Variants in RP1 observed in about 807,000 individuals in gnomAD.
RP1 encodes the protein RP1 axonemal microtubule associated.
A neutral mutation model predicts 14.8 loss-of-function variants in RP1; 16 were observed. The ratio of observed to expected loss-of-function variants is 1.08; its 90% confidence interval spans 0.73 to 1.65. The LOEUF (loss-of-function observed/expected upper bound fraction) is 1.65, where lower values mean the gene tolerates loss of function less well. Among genes scored for constraint, RP1 ranks in the 40% most tolerant of loss-of-function variants. RP1 has a pLI of 0.00. For synonymous variants in RP1, 876 were observed against 883.6 expected (o/e 0.99, Z 0.15); for missense variants, 2,631 against 2,535.0 (o/e 1.04, Z -0.81).
intron 5 of RP1, chr8:54,652,969 C>T (rs1341188427): frequency 7.0e-6 from 5 of 718,722 alleles, no homozygotes; most frequent in Non-Finnish European, 1.2e-5. Context: ...AGTCCTGTAC[C>T]TTTTTAGCCA....
At position 54,629,961 on chromosome 8, in the gene RP1, G is replaced by T; in HGVS notation, c.6079G>T (p.Asp2027Tyr). The stretch of plus-strand genomic sequence containing the variant: ...AGGTAATTTAAAGAAATTTCAACCA[G>T]ATTTGAAGGAAAGGTTTTGTATGAA... ...EEGNLKKFQP[D>Y]LKERFCMNFL... The change falls in exon 4 of 4, where the codon GAT becomes TAT. Residue 2027 changes from aspartate to tyrosine, a missense_variant. Asp to Tyr is a radical substitution (Grantham distance 160). Transcript: ENST00000220676. 1.9e-6 allele frequency: 3 copies of T among 1,613,996 alleles called. No homozygotes were observed. The highest frequency in any genetic ancestry group is 2.2e-5 in the East Asian group (1 of 44,836).
chr8:54,724,624 G>T (rs1347024879), intron 16 of RP1, among the ~76,000 whole-genome samples: 1 of 151,964 alleles, frequency 6.6e-6, no homozygotes, highest in African/African-American at 2.4e-5. Flanking sequence ...ACTAAGGGTT[G>T]CTACAATTCA....
chr8:54,835,249 T>C (rs1444125706), intron 24 of RP1, among the ~76,000 whole-genome samples: 1 of 152,150 alleles, frequency 6.6e-6, no homozygotes, highest in East Asian at 1.9e-4. Context: ...CAGAACTAAG[T>C]TCCAAACTAA....
At chr8:54,780,857 T>A in intron 23 of RP1, 3 of 918,694 alleles carry the variant, frequency 3.3e-6, no homozygotes, top group Non-Finnish European at 3.9e-6. Context: ...TTCGGAATTC[T>A]CTAGGTCAGT....
intron 25 of RP1, among the ~76,000 whole-genome samples, chr8:54,843,711 C>T (rs1811845281): frequency 6.6e-6 from 1 of 152,172 alleles, no homozygotes; most frequent in Non-Finnish European, 1.5e-5. Flanking sequence ...AGTTTGGTCG[C>T]TCTGACTGCA....
At chr8:54,730,160 C>A (rs1808758499) in intron 17 of RP1, among the ~76,000 whole-genome samples, 1 of 151,864 alleles carries the variant, frequency 6.6e-6, no homozygotes, top group Non-Finnish European at 1.5e-5. Flanking sequence ...AAAGTACCTC[C>A]CTATGTTGAG....
intron 24 of RP1, among the ~76,000 whole-genome samples, chr8:54,822,549 T>C (rs532364825): frequency 9.5e-4 from 144 of 152,366 alleles, no homozygotes; most frequent in Non-Finnish European, 1.8e-3. Flanking sequence ...ACTGCACATT[T>C]ATTTTATGGA....
Position 54,713,314 on chromosome 8 carries a change from C to A in RP1, c.2211+6659C>A, listed in dbSNP as rs572252234. Among the ~76,000 whole-genome samples the A allele has an allele frequency of 1.6e-4, 24 of 151,858 alleles. No homozygotes were observed. In the South Asian group the frequency reaches 5.0e-3, roughly 32 times the overall value. Reference sequence around the variant, plus strand: ...TTCAGGTTAGTAACAAACAGCAGGCCGTTCATAGGGACATTTGTAAGGGTG... The same window carrying A: ...TTCAGGTTAGTAACAAACAGCAGGCAGTTCATAGGGACATTTGTAAGGGTG... On this transcript the variant is annotated intron_variant, in intron 15 of 22. Coordinates refer to the RP1 transcript ENST00000636932.
intron 24 of RP1, among the ~76,000 whole-genome samples, chr8:54,795,947 C>T (rs1001627219): frequency 6.6e-6 from 1 of 152,190 alleles, no homozygotes; most frequent in Non-Finnish European, 1.5e-5. Context: ...TCCTTTACCT[C>T]TTTCTCTTTC....
intron 24 of RP1, among the ~76,000 whole-genome samples, chr8:54,815,988 C>T (rs76041253): frequency 6.6e-6 from 1 of 152,142 alleles, no homozygotes; most frequent in Non-Finnish European, 1.5e-5. Context: ...GACTGTAACA[C>T]TTTCTGAGCC....
At position 54,628,983 on chromosome 8, in the gene RP1, CAAGAT is replaced by C. The variant is rs1278053918; in HGVS notation, c.5105_5109del (p.Asp1702ValfsTer2). 1.2e-6 allele frequency: 2 copies of C among 1,613,918 alleles called. No individual in the cohort carries two copies. The highest frequency in any genetic ancestry group is 1.7e-6 in the Non-Finnish European group (2 of 1,179,954). On this transcript the variant is annotated frameshift_variant, in exon 4 of 4. Transcript: ENST00000220676. LOFTEE classifies it low-confidence loss of function (END_TRUNC). The stretch of plus-strand genomic sequence containing the variant: ...GTTGCAGGAATTCCAGGAGGAAAGA[CAAGAT>C]AAGTGTGATGTTAGTGCTGTGAGGG...
intron 27 of RP1, among the ~76,000 whole-genome samples, chr8:54,864,334 A>C (rs1436387015): frequency 6.6e-6 from 1 of 152,222 alleles, no homozygotes; most frequent in African/African-American, 2.4e-5. Flanking sequence ...TAATTTGCTA[A>C]GATGCAAAAG....
At position 54,666,682 on chromosome 8, in the gene RP1, G is replaced by A. The variant is rs567625403; in HGVS notation, c.1323+2832G>A. ...GTACTCTAGTTAAAGCCCTGACCCC[G>A]GGACAGCAGCTGGGATTGTGTGCAG... On this transcript the variant is annotated intron_variant, in intron 7 of 22. Transcript: ENST00000636932. Among the ~76,000 whole-genome samples, 117 of 152,078 alleles carry A rather than the reference G, an allele frequency of 7.7e-4. 1 individual carries two copies. Among genetic ancestry groups the A allele is most frequent in the African/African-American group, 2.7e-3 (112 of 41,498 alleles).
At chr8:54,846,472 T>C (rs888981157) in intron 25 of RP1, among the ~76,000 whole-genome samples, 1 of 152,224 alleles carries the variant, frequency 6.6e-6, no homozygotes, top group African/African-American at 2.4e-5. Flanking sequence ...GTGGTAGTAG[T>C]TCCAAGACTG....
At chr8:54,733,764 C>T (rs748671627) in intron 17 of RP1, among the ~76,000 whole-genome samples, 2 of 152,146 alleles carry the variant, frequency 1.3e-5, no homozygotes, top group South Asian at 2.1e-4. Flanking sequence ...TCAGACAACC[C>T]GTGCAGAGTA....
intron 16 of RP1, among the ~76,000 whole-genome samples, chr8:54,722,661 C>T (rs1323842751): frequency 6.6e-6 from 1 of 151,980 alleles, no homozygotes; most frequent in East Asian, 1.9e-4. Context: ...GAGCAGCCCC[C>T]GAAAAAGTTA....
downstream of RP1, among the ~76,000 whole-genome samples, chr8:54,770,776 C>T (rs1404490495): frequency 3.3e-5 from 5 of 151,460 alleles, no homozygotes; most frequent in Non-Finnish European, 4.4e-5. Context: ...TTTAATTGTA[C>T]TTTTTAAAAA....
chr8:54,784,981 G>A (rs563694763), intron 24 of RP1, among the ~76,000 whole-genome samples: 17 of 151,596 alleles, frequency 1.1e-4, no homozygotes, highest in Non-Finnish European at 2.2e-4. Context: ...TATTTATGGG[G>A]TACAGTGTGA....
chr8:54,849,956 T>C (rs950280992), intron 25 of RP1, among the ~76,000 whole-genome samples: 1 of 152,178 alleles, frequency 6.6e-6, no homozygotes, highest in African/African-American at 2.4e-5. Flanking sequence ...TTGAATTGGG[T>C]GACAATTGTG....
Sources: gnomAD v4.1 joint callset for allele counts (sites outside exome capture counted in the v4.1 genomes callset) on GRCh38, gnomAD v4.1.1 for gene constraint, MANE v1.5 for transcripts, NCBI Gene and HGNC (gene_info 2026-07-23, HGNC 2026-07-21) for gene names.